AGBL1: variants seen among roughly 807,000 people sequenced by gnomAD.
AGBL1 encodes cytosolic carboxypeptidase 4.
A neutral mutation model predicts 118.9 loss-of-function variants in AGBL1; 130 were observed. The ratio of observed to expected loss-of-function variants is 1.09; its 90% CI spans 0.95 to 1.26. The LOEUF (loss-of-function observed/expected upper bound fraction) is 1.26, where lower values mean the gene tolerates loss of function less well. AGBL1 is among the 50% of genes most tolerant of loss of function. AGBL1 has a pLI of 0.00. For synonymous variants in AGBL1, 555 were observed against 478.9 expected, an observed-to-expected ratio of 1.16 and a Z score of -2.08; for missense variants, 1,584 against 1,298.1, an observed-to-expected ratio of 1.22 and a Z score of -3.38.
intron 16 of AGBL1, among the ~76,000 whole-genome samples, chr15:86,295,051 G>A (rs1360816433): frequency 6.6e-6 from 1 of 152,178 alleles, no homozygotes; most frequent in Non-Finnish European, 1.5e-5. Context: ...AAAACATGCA[G>A]GAATGATGCT....
rs546680329 is a variant in AGBL1, at chr15:86,583,812, G to A, written c.2994+29275G>A. On this transcript the variant is annotated intron_variant, in intron 21 of 22. Coordinates refer to ENST00000614907, the MANE Select transcript of AGBL1 (RefSeq NM_001386094.1). ...ACTAATTTACATTCCCACCAACAGTGTATAAGCATTCCCATTTCTCCACAG... is the reference window on the plus strand; with the variant it reads ...ACTAATTTACATTCCCACCAACAGTATATAAGCATTCCCATTTCTCCACAG... Among the ~76,000 whole-genome samples the A allele has an allele frequency of 1.5e-3, 225 of 152,216 alleles. 2 individuals are homozygous for A. The highest frequency in any genetic ancestry group is 5.1e-3 in the African/African-American group (213 of 41,550).
At chr15:86,662,825 C>T (rs1176193633) in intron 21 of AGBL1, among the ~76,000 whole-genome samples, 1 of 152,198 alleles carries the variant, frequency 6.6e-6, no homozygotes, top group Non-Finnish European at 1.5e-5. Context: ...ACAAAAACTA[C>T]TAGCCATTCC....
At chr15:86,100,465 G>C (rs1188237975) in intron 1 of AGBL1, among the ~76,000 whole-genome samples, 2 of 151,980 alleles carry the variant, frequency 1.3e-5, no homozygotes, top group Non-Finnish European at 2.9e-5. Flanking sequence ...TCTTTGATGG[G>C]AGAAAGAAAA....
At chr15:86,766,162 A>C (rs2078094325) in intron 22 of AGBL1, among the ~76,000 whole-genome samples, 1 of 151,910 alleles carries the variant, frequency 6.6e-6, no homozygotes, top group African/African-American at 2.4e-5. Flanking sequence ...GAGGTTTAGT[A>C]ATTTGTCCAG....
chr15:86,936,830 G>T (rs2080682242), intron 23 of AGBL1, among the ~76,000 whole-genome samples: 1 of 152,146 alleles, frequency 6.6e-6, no homozygotes, highest in South Asian at 2.1e-4. Flanking sequence ...AAGAGCTTCT[G>T]CACAGAAAAA....
At chr15:86,378,981 T>G (rs779795586) in intron 17 of AGBL1, among the ~76,000 whole-genome samples, 3 of 152,010 alleles carry the variant, frequency 2.0e-5, no homozygotes, top group East Asian at 3.9e-4. Flanking sequence ...GGAGCGATCT[T>G]GGCTCACTGC....
intron 17 of AGBL1, among the ~76,000 whole-genome samples, chr15:86,373,774 T>C (rs1191350618): frequency 5.9e-5 from 9 of 152,256 alleles, no homozygotes; most frequent in Admixed American, 5.9e-4. Context: ...TTCAAGTTCT[T>C]GTGCTATTTA....
intron 18 of AGBL1, among the ~76,000 whole-genome samples, chr15:86,456,905 A>T (rs2082266850): frequency 6.6e-6 from 1 of 152,188 alleles, no homozygotes; most frequent in Admixed American, 6.6e-5. Context: ...CCAACATTTG[A>T]ATATCTTCAA....
At chr15:86,316,096 T>G (rs1230787349) in intron 17 of AGBL1, among the ~76,000 whole-genome samples, 1 of 152,192 alleles carries the variant, frequency 6.6e-6, no homozygotes, top group Non-Finnish European at 1.5e-5. Context: ...TTTCCTTCTA[T>G]CCCTCACCTA....
At chr15:86,921,111 GTGGTTATACAT>G (rs763750719), downstream of AGBL1, among the ~76,000 whole-genome samples, 26 of 152,218 alleles carry the variant, frequency 1.7e-4, no homozygotes, top group Admixed American at 5.2e-4. Flanking sequence ...TAAATACGTG[GTGGTTATACAT>G]TGGTTTGACC....
intron 22 of AGBL1, among the ~76,000 whole-genome samples, chr15:86,810,967 C>T (rs2078780602): frequency 1.3e-5 from 2 of 152,126 alleles, no homozygotes. Context: ...CCAACAGTCC[C>T]AGAGGAAGCA....
chr15:86,731,277 C>T (rs948973835), intron 22 of AGBL1, among the ~76,000 whole-genome samples: 1 of 152,174 alleles, frequency 6.6e-6, no homozygotes, highest in Admixed American at 6.5e-5. Flanking sequence ...AGAAGTCTCA[C>T]GTACCTGAAA....
Position 86,236,932 on chromosome 15 carries a change from C to T in AGBL1, c.527-10739C>T, listed in dbSNP as rs1232102054. Among the ~76,000 whole-genome samples, 11 of 9,372 alleles carry T rather than the reference C, an allele frequency of 1.2e-3. 2 individuals are homozygous for T. Among genetic ancestry groups the T allele is most frequent in the African/African-American group, 4.9e-3 (11 of 2,258 alleles). 6.1% of individuals were successfully genotyped at this position (9,372 alleles called of 152,430 possible). ...TTCCACACACACGGGGATATGTGGGCGGGGGGGGGCGGGGGGGGGCGGGGG... is the reference window on the plus strand; with the variant it reads ...TTCCACACACACGGGGATATGTGGGTGGGGGGGGGCGGGGGGGGGCGGGGG... On this transcript the variant is annotated intron_variant, in intron 6 of 22. Coordinates refer to ENST00000614907, the MANE Select transcript of AGBL1 (RefSeq NM_001386094.1).
rs575746664 is a variant in AGBL1 at position 86,962,932 on chromosome 15, C to A, written c.3222-25055C>A. On this transcript the variant is annotated intron_variant, in intron 23 of 24. Coordinates refer to the AGBL1 transcript ENST00000441037. ...CTAAAGTTATGAATATCACACATTT[C>A]TGCATGTAAATTAGAAAACACAAAC... Among the ~76,000 whole-genome samples, 279 of 152,148 alleles carry A rather than the reference C, an allele frequency of 1.8e-3. 2 individuals carry two copies. Among genetic ancestry groups the A allele is most frequent in the African/African-American group, 6.5e-3 (268 of 41,536 alleles).
chr15:87,013,909 A>G (rs1289172543), intron 24 of AGBL1, among the ~76,000 whole-genome samples: 2 of 152,194 alleles, frequency 1.3e-5, no homozygotes, highest in Non-Finnish European at 2.9e-5. Context: ...ATTTGATTCC[A>G]GGAGCTACCC....
At chr15:86,581,890 G>T (rs2084177058) in intron 21 of AGBL1, among the ~76,000 whole-genome samples, 1 of 152,142 alleles carries the variant, frequency 6.6e-6, no homozygotes, top group East Asian at 1.9e-4. Context: ...GTTTACTTTT[G>T]ATTATGAGGA....
chr15:86,931,553 A>AT (rs1480876542), intron 23 of AGBL1, among the ~76,000 whole-genome samples: 1 of 140,066 alleles, frequency 7.1e-6, no homozygotes, highest in East Asian at 2.6e-4. Flanking sequence ...CAACAAAATG[A>AT]ATAGTGGTGC....
chr15:86,253,370 C>T (rs1336600026), intron 7 of AGBL1, among the ~76,000 whole-genome samples: 2 of 152,124 alleles, frequency 1.3e-5, no homozygotes, highest in South Asian at 2.1e-4. Flanking sequence ...CCTGCCTCAG[C>T]CTCCCGAGTA....
chr15:86,847,263 A>G (rs564008153), intron 22 of AGBL1, among the ~76,000 whole-genome samples: 15 of 152,316 alleles, frequency 9.8e-5, no homozygotes, highest in Non-Finnish European at 1.9e-4. Flanking sequence ...ACTCAAAGAC[A>G]GTTTCTAATC....
Sources: gnomAD v4.1 joint callset for allele counts (sites outside exome capture counted in the v4.1 genomes callset) on GRCh38, gnomAD v4.1.1 for gene constraint, MANE v1.5 for transcripts, NCBI Gene and HGNC (gene_info 2026-07-23, HGNC 2026-07-21) for gene names.